The following RCBTB2 variants were observed in gnomAD, a reference collection of about 807,000 sequenced individuals.
The protein encoded by RCBTB2 is RCC1 and BTB domain containing protein 2.
RCBTB2 carries 55 observed loss-of-function variants against 65.4 expected under a neutral mutation model. That is an observed-to-expected ratio of 0.84 (90% CI 0.68 to 1.05). RCBTB2 has a LOEUF of 1.05. Among genes scored for constraint, RCBTB2 ranks in the 50% least tolerant of loss-of-function variants. RCBTB2 has a pLI of 0.00. For synonymous variants in RCBTB2, 220 were observed against 255.2 expected (o/e 0.86, Z 1.31); for missense variants, 599 against 680.1 (o/e 0.88, Z 1.33).
At chr13:48,505,787 G>A (rs1950472048) in intron 10 of RCBTB2, among the ~76,000 whole-genome samples, 1 of 152,160 alleles carries the variant, frequency 6.6e-6, no homozygotes, top group Non-Finnish European at 1.5e-5. Flanking sequence ...GGGGGAACAG[G>A]ATACAGGCAG....
At chr13:48,519,977 C>A (rs1047589725) in intron 4 of RCBTB2, among the ~76,000 whole-genome samples, 3 of 152,078 alleles carry the variant, frequency 2.0e-5, no homozygotes, top group African/African-American at 7.2e-5. Flanking sequence ...AAAGGTCCTG[C>A]TCAAAGGAAA....
intron 13 of RCBTB2, 52 bp downstream of exon 13, chr13:48,499,569 C>T (rs1344097068): frequency 1.9e-6 from 3 of 1,590,034 alleles, no homozygotes; most frequent in African/African-American, 1.4e-5. Context: ...TAGAAACCAC[C>T]TTGTCAGTTC....
chr13:48,535,332 T>C (rs547956155), upstream of RCBTB2, among the ~76,000 whole-genome samples: 1 of 150,916 alleles, frequency 6.6e-6, no homozygotes, highest in South Asian at 2.1e-4. Flanking sequence ...CTCAGCTCAC[T>C]GCAACCTCCA....
intron 2 of RCBTB2, among the ~76,000 whole-genome samples, chr13:48,523,846 CT>C (rs1951558706): frequency 6.6e-6 from 1 of 152,050 alleles, no homozygotes; most frequent in Non-Finnish European, 1.5e-5. Context: ...TAAAATTAAA[CT>C]CTTTAAAATT....
intron 13 of RCBTB2, among the ~76,000 whole-genome samples, chr13:48,498,631 G>A (rs961452948): frequency 4.6e-5 from 7 of 152,182 alleles, no homozygotes; most frequent in African/African-American, 1.7e-4. Context: ...TCGAGAGGCT[G>A]AGGCAGGAGA....
chr13:48,522,272 T>C (rs1951470071), intron 3 of RCBTB2, 36 bp downstream of exon 3: 3 of 1,319,226 alleles, frequency 2.3e-6, no homozygotes, highest in Admixed American at 2.0e-5. Context: ...CATTTCAGAG[T>C]TGACTTCCTG....
Position 48,527,371 on chromosome 13 carries a change from T to TATC in RCBTB2, c.-218-2615_-218-2614insGAT, listed in dbSNP as rs565388470. Among the ~76,000 whole-genome samples, 1,188 of 138,708 alleles carry TATC rather than the reference T, an allele frequency of 8.6e-3. 49 individuals are homozygous for TATC. Among genetic ancestry groups the TATC allele is most frequent in the African/African-American group, 0.034 (1,143 of 33,850 alleles). 91.0% of individuals were successfully genotyped at this position (138,708 alleles called of 152,430 possible). On this transcript the variant is annotated intron_variant, in intron 1 of 14. Coordinates refer to ENST00000344532, the MANE Select transcript of RCBTB2 (RefSeq NM_001268.4). ...ATATATGATATATATTTATATATGA[T>TATC]ATATATATATGATATATATTTATAT...
At chr13:48,535,600 A>G (rs117686450), upstream of RCBTB2, 9,777 of 452,636 alleles carry the variant, frequency 0.022, 146 homozygotes, top group Middle Eastern at 0.067. Context: ...TTTTGCCCCT[A>G]CCCCTCCATT....
chr13:48,524,759 T>G lies in RCBTB2; in HGVS notation c.-218-2A>C, dbSNP rs1424335518. 2 of 152,136 alleles carry G rather than the reference T, an allele frequency of 1.3e-5. No homozygotes were observed. The highest frequency in any genetic ancestry group is 2.9e-5 in the Non-Finnish European group (2 of 68,026). The allele number at this position is 152,136 out of a possible 1,614,324, so 9.4% of individuals were successfully genotyped here. A position where few individuals can be genotyped will look rare whatever the true frequency, so the allele number is the denominator to read the frequency against. On this transcript the variant is annotated splice_acceptor_variant, in intron 1 of 14. Coordinates refer to ENST00000344532, the MANE Select transcript of RCBTB2 (RefSeq NM_001268.4). LOFTEE classifies it low-confidence loss of function (5UTR_SPLICE). ...TCTTCTAGAGCAAAGTTAATGTGACTGGAAATATAAATACACAAATAAATT... is the reference window on the plus strand; with the variant it reads ...TCTTCTAGAGCAAAGTTAATGTGACGGGAAATATAAATACACAAATAAATT...
At position 48,499,979 on chromosome 13, in the gene RCBTB2, G is replaced by A. The variant is rs111796664; in HGVS notation, c.1245-219C>T. Among the ~76,000 whole-genome samples, 43 of 152,344 alleles carry A rather than the reference G, an allele frequency of 2.8e-4. 2 individuals carry two copies. The highest frequency in any genetic ancestry group is 9.4e-4 in the African/African-American group (39 of 41,586). ...GGCCTGGGAAGCAGCCCCAATGGCC[G>A]TGCTAATGGGGACAGAGCTGGGCTC... On this transcript the variant is annotated intron_variant, in intron 12 of 14. Transcript: ENST00000344532.
intron 14 of RCBTB2, among the ~76,000 whole-genome samples, chr13:48,493,283 CTCTCT>C (rs1949792053): frequency 2.6e-5 from 3 of 116,554 alleles, no homozygotes; most frequent in African/African-American, 1.6e-4. Flanking sequence ...CACCCTCTCT[CTCTCT>C]CCACACACAC....
At chr13:48,497,159 CACTT>C (rs1259968809) in intron 13 of RCBTB2, among the ~76,000 whole-genome samples, 1 of 152,164 alleles carries the variant, frequency 6.6e-6, no homozygotes, top group Non-Finnish European at 1.5e-5. Flanking sequence ...GACACTTTGT[CACTT>C]GCTTGCATTT....
chr13:48,503,155 A>G, intron 10 of RCBTB2, among the ~76,000 whole-genome samples: 1 of 152,192 alleles, frequency 6.6e-6, no homozygotes, highest in Non-Finnish European at 1.5e-5. Context: ...ACTCATGAAG[A>G]TCTGTTTGTA....
At chr13:48,508,319 T>A (rs1462729141) in intron 10 of RCBTB2, among the ~76,000 whole-genome samples, 1 of 152,148 alleles carries the variant, frequency 6.6e-6, no homozygotes, top group Non-Finnish European at 1.5e-5. Context: ...ATTGAGTGCC[T>A]GGTTGAAACT....
At chr13:48,496,549 G>A (rs1379614744) in intron 13 of RCBTB2, among the ~76,000 whole-genome samples, 1 of 151,782 alleles carries the variant, frequency 6.6e-6, no homozygotes, top group African/African-American at 2.4e-5. Context: ...TTGAAAAACA[G>A]GAGCACAGGG....
intron 4 of RCBTB2, among the ~76,000 whole-genome samples, chr13:48,520,040 G>A (rs529714370): frequency 1.3e-5 from 2 of 152,024 alleles, no homozygotes; most frequent in African/African-American, 4.8e-5. Flanking sequence ...ATACTCAACT[G>A]GTAAGTATAA....
chr13:48,530,190 G>A (rs866243550), intron 1 of RCBTB2, among the ~76,000 whole-genome samples: 14 of 152,084 alleles, frequency 9.2e-5, no homozygotes, highest in South Asian at 4.1e-4. Context: ...GTGAGCCACC[G>A]CGCCCGGCCT....
At chr13:48,520,321 G>A (rs1048074086) in intron 4 of RCBTB2, among the ~76,000 whole-genome samples, 5 of 152,140 alleles carry the variant, frequency 3.3e-5, no homozygotes, top group Middle Eastern at 3.2e-3. Flanking sequence ...GTGCCCAACT[G>A]TCAAGTAAGA....
At chr13:48,503,416 T>C (rs1179564838) in intron 10 of RCBTB2, among the ~76,000 whole-genome samples, 1 of 152,160 alleles carries the variant, frequency 6.6e-6, no homozygotes, top group East Asian at 1.9e-4. Flanking sequence ...TTGCACAGAG[T>C]AAATTCAGTA....
Sources: allele counts gnomAD v4.1 joint callset (sites outside exome capture counted in the v4.1 genomes callset), GRCh38; gene constraint gnomAD v4.1.1; transcripts MANE v1.5; gene names NCBI Gene and HGNC (gene_info 2026-07-23, HGNC 2026-07-21).